Variants in HOXC4 observed in about 807,000 individuals in gnomAD.
The protein encoded by HOXC4 is homeobox C4.
HOXC4 carries 15 observed loss-of-function variants against 25.5 expected under a neutral mutation model. The observed-to-expected ratio is 0.59, with a 90% CI of 0.39 to 0.91. The LOEUF is 0.91. HOXC4 is among the 40% of genes least tolerant of loss of function. The pLI, the probability that HOXC4 is intolerant of heterozygous loss-of-function variation, is 0.00. For synonymous variants in HOXC4, 165 were observed against 148.0 expected, an observed-to-expected ratio of 1.11 and a Z score of -0.83; for missense variants, 342 against 352.4, an observed-to-expected ratio of 0.97 and a Z score of 0.24.
intron 1 of HOXC4, among the ~76,000 whole-genome samples, chr12:54,026,052 C>T (rs1199587143): frequency 6.6e-6 from 1 of 152,110 alleles, no homozygotes; most frequent in Non-Finnish European, 1.5e-5. Context: ...TTGTACATTG[C>T]AACAATTTAA....
At chr12:54,052,622 T>C (rs1278220896), upstream of HOXC4, among the ~76,000 whole-genome samples, 1 of 147,074 alleles carries the variant, frequency 6.8e-6, no homozygotes, top group Non-Finnish European at 1.5e-5. Context: ...CCCTCCCTCC[T>C]CTACGGCCCT....
chr12:54,049,252 T>C (rs1937789033), upstream of HOXC4, among the ~76,000 whole-genome samples: 1 of 152,238 alleles, frequency 6.6e-6, no homozygotes, highest in East Asian at 1.9e-4. Context: ...AAAGGCCATT[T>C]GCGAAGAGAC....
At position 54,054,894 on chromosome 12, in the gene HOXC4, G is replaced by C; in HGVS notation, c.484G>C (p.Ala162Pro). ...AGGGGAACCCAAGCGCTCGAGGACA[G>C]CCTATACCCGGCAGCAAGTCCTGGA... is the stretch of plus-strand genomic sequence containing the variant. ...NGGEPKRSRTAYTRQQVLELE... is the reference protein window; with the variant it reads ...NGGEPKRSRTPYTRQQVLELE... Residue 162 changes from alanine (A) to proline (P), a missense_variant, in exon 2 of 2, where the codon GCC becomes CCC. Physicochemically the swap from Ala to Pro is conservative, Grantham distance 27 (BLOSUM62 -1). Coordinates refer to ENST00000430889, the MANE Select transcript of HOXC4 (RefSeq NM_153633.3). 1 of 1,613,968 alleles carries C rather than the reference G, an allele frequency of 6.2e-7. No individual in the cohort carries two copies. Among genetic ancestry groups the C allele is most frequent in the Non-Finnish European group, 8.5e-7 (1 of 1,179,954 alleles).
At chr12:54,042,974 A>G (rs2136458047) in intron 1 of HOXC4, among the ~76,000 whole-genome samples, 1 of 152,312 alleles carries the variant, frequency 6.6e-6, no homozygotes, top group South Asian at 2.1e-4. Context: ...TGAGGCCTAC[A>G]CAACCCTTGT....
upstream of HOXC4, among the ~76,000 whole-genome samples, chr12:54,051,772 G>T (rs1241501060): frequency 6.6e-6 from 1 of 152,220 alleles, no homozygotes; most frequent in Non-Finnish European, 1.5e-5. Context: ...CTAAGCATTG[G>T]AGGAGGGAAG....
intron 1 of HOXC4, among the ~76,000 whole-genome samples, chr12:54,026,445 T>A (rs1469969002): frequency 1.3e-5 from 2 of 152,254 alleles, no homozygotes; most frequent in African/African-American, 4.8e-5. Flanking sequence ...ACCCCAAAAA[T>A]GAGATAACTC....
intron 1 of HOXC4, among the ~76,000 whole-genome samples, chr12:54,041,444 C>T (rs1321444515): frequency 6.6e-6 from 1 of 152,210 alleles, no homozygotes; most frequent in Non-Finnish European, 1.5e-5. Context: ...ACTGTGGCAC[C>T]TGGACCTCTA....
rs192550216 is a variant in HOXC4 at position 54,043,678 on chromosome 12, T to C, written c.-123-9482T>C. ...CAAACGCTAGAGCTGACTCCAGGGA[T>C]GGTGGCAGCCAGGCTTTCTGTGATC... On this transcript the variant is annotated intron_variant, in intron 1 of 3. Coordinates refer to the HOXC4 transcript ENST00000303406. Among the ~76,000 whole-genome samples, 128 of 148,584 alleles carry C rather than the reference T, an allele frequency of 8.6e-4. 1 individual carries two copies. The highest frequency in any genetic ancestry group is 2.2e-3 in the Admixed American group (32 of 14,724).
chr12:54,028,532 A>G lies in HOXC4; in HGVS notation c.-124+11118A>G, dbSNP rs577372679. Reference sequence around the variant, plus strand: ...GGTAAAGGCAAAGGGATGAATTCCTACTTCACTAACCCTTCCTTATCCTGC... The same window carrying G: ...GGTAAAGGCAAAGGGATGAATTCCTGCTTCACTAACCCTTCCTTATCCTGC... On this transcript the variant is annotated intron_variant, in intron 1 of 3. Transcript: ENST00000303406. The G allele has an allele frequency of 1.9e-6, 3 of 1,613,746 alleles. No homozygotes were observed. In the African/African-American group the frequency reaches 4.0e-5, roughly 22 times the overall value.
chr12:54,035,008 T>C (rs1029541034), intron 1 of HOXC4: 8 of 166,042 alleles, frequency 4.8e-5, no homozygotes, highest in Admixed American at 3.3e-4. Flanking sequence ...TTTTCACTTA[T>C]GAATGATTTG....
At chr12:54,045,926 C>CCTA (rs910033048) in intron 1 of HOXC4, among the ~76,000 whole-genome samples, 4 of 152,138 alleles carry the variant, frequency 2.6e-5, no homozygotes, top group Admixed American at 6.5e-5. Flanking sequence ...GCCGAAGCTC[C>CCTA]CTACCTCTCA....
chr12:54,036,874 C>T (rs1354794549), intron 1 of HOXC4, among the ~76,000 whole-genome samples: 1 of 152,092 alleles, frequency 6.6e-6, no homozygotes, highest in Non-Finnish European at 1.5e-5. Context: ...CTGCCCAGGC[C>T]CTGTGCTTCC....
intron 1 of HOXC4, among the ~76,000 whole-genome samples, chr12:54,031,650 G>T (rs1444380504): frequency 3.3e-5 from 5 of 152,154 alleles, no homozygotes; most frequent in Non-Finnish European, 7.4e-5. Context: ...GAAAAAATCC[G>T]CCAGAGTTTT....
chr12:54,054,051 G>C lies in HOXC4; in HGVS notation c.129G>C (p.Ser43=), dbSNP rs1463520883. ...SPEYYGRTRE[S]GFQHHHQELY... ...AATATTACGGCCGGACCAGGGAATC[G>C]GGATTCCAGCATCACCACCAGGAGC... Residue 43 remains serine (S), a synonymous_variant, in exon 1 of 2, where the codon TCG becomes TCC. Transcript: ENST00000430889. The C allele has an allele frequency of 1.2e-6, 2 of 1,613,874 alleles. No individual in the cohort carries two copies. The highest frequency in any genetic ancestry group is 2.2e-5 in the East Asian group (1 of 44,884).
Position 54,048,228 on chromosome 12 carries a change from G to T in HOXC4, c.-123-4932G>T, listed in dbSNP as rs577935064. On this transcript the variant is annotated intron_variant, in intron 1 of 3. Transcript: ENST00000303406. ...CGGGAGCTGTGTTTTGTGAGGGGAA[G>T]ATCTTATTATTGAGGTTAATCATGG... Among the ~76,000 whole-genome samples, 6 of 152,234 alleles carry T rather than the reference G, an allele frequency of 3.9e-5. No homozygotes were observed. The South Asian group carries it at 1.3e-3, about 32-fold the overall frequency.
At chr12:54,023,124 C>A (rs1940524721) in intron 1 of HOXC4, among the ~76,000 whole-genome samples, 1 of 152,228 alleles carries the variant, frequency 6.6e-6, no homozygotes, top group Admixed American at 6.5e-5. Flanking sequence ...CCCAGGCTCT[C>A]CCCAAGCCCC....
intron 1 of HOXC4, chr12:54,028,568 G>A: frequency 6.2e-7 from 1 of 1,614,036 alleles, no homozygotes; most frequent in South Asian, 1.1e-5. Context: ...CACCTCGCCG[G>A]GGGCCAGGAC....
chr12:54,046,956 A>G (rs2136461129), intron 1 of HOXC4, among the ~76,000 whole-genome samples: 1 of 152,310 alleles, frequency 6.6e-6, no homozygotes, highest in Middle Eastern at 3.4e-3. Flanking sequence ...GTGGAGCGAA[A>G]GTCAGATCCA....
intron 1 of HOXC4, among the ~76,000 whole-genome samples, chr12:54,025,533 G>C (rs1030364390): frequency 6.2e-5 from 3 of 48,424 alleles, no homozygotes; most frequent in South Asian, 1.1e-3. Context: ...TAATTGGGGG[G>C]GGGGGAGGTG....
Sources: gnomAD v4.1 joint callset for allele counts (sites outside exome capture counted in the v4.1 genomes callset) on GRCh38, gnomAD v4.1.1 for gene constraint, MANE v1.5 for transcripts, NCBI Gene and HGNC (gene_info 2026-07-23, HGNC 2026-07-21) for gene names.